The following XPR1 variants were observed in gnomAD, a reference collection of about 807,000 sequenced individuals.
XPR1 encodes the protein solute carrier family 53 member 1.
A neutral mutation model predicts 87.5 loss-of-function variants in XPR1; 28 were observed. The ratio of observed to expected loss-of-function variants is 0.32; its 90% CI spans 0.24 to 0.44. XPR1 has a LOEUF of 0.44. Among genes scored for constraint, XPR1 ranks in the 20% least tolerant of loss-of-function variants. The pLI is 1.00. For synonymous variants in XPR1, 300 were observed against 306.1 expected (o/e 0.98, Z 0.21); for missense variants, 559 against 862.3 (o/e 0.65, Z 4.41).
chr1:180,652,831 A>T (rs1655340169), intron 1 of XPR1, among the ~76,000 whole-genome samples: 1 of 152,164 alleles, frequency 6.6e-6, no homozygotes, highest in Admixed American at 6.5e-5. Context: ...ATAAACATTT[A>T]TTGTCTCACA....
intron 1 of XPR1, among the ~76,000 whole-genome samples, chr1:180,665,004 G>A (rs866155837): frequency 1.3e-4 from 20 of 152,110 alleles, no homozygotes; most frequent in South Asian, 2.1e-4. Context: ...TGCCCACCTC[G>A]CACTTCCTAT....
chr1:180,632,440 T>C (rs879316051), intron 1 of XPR1, among the ~76,000 whole-genome samples, 170 bp downstream of exon 1: 1 of 151,840 alleles, frequency 6.6e-6, no homozygotes, highest in Admixed American at 6.5e-5. Flanking sequence ...GCCTCCCGGC[T>C]CCGCTGTCCT....
At chr1:180,883,865 A>C (rs1652924135) in intron 14 of XPR1, 141 bp from the exon 15 acceptor site, 1 of 624,372 alleles carries the variant, frequency 1.6e-6, no homozygotes, top group East Asian at 3.0e-5. Context: ...AAACTCTAGA[A>C]TAATCCGTCT....
chr1:180,697,603 A>G (rs185412427), intron 2 of XPR1, among the ~76,000 whole-genome samples: 1 of 152,210 alleles, frequency 6.6e-6, no homozygotes, highest in African/African-American at 2.4e-5. Flanking sequence ...AACTTTCCTC[A>G]GCACTGTTTT....
At chr1:180,653,585 G>T (rs1655360552) in intron 1 of XPR1, among the ~76,000 whole-genome samples, 1 of 151,930 alleles carries the variant, frequency 6.6e-6, no homozygotes, top group African/African-American at 2.4e-5. Context: ...TAAAACCATG[G>T]ATAATACTGA....
intron 2 of XPR1, among the ~76,000 whole-genome samples, chr1:180,685,715 G>A (rs1387412164): frequency 6.6e-6 from 1 of 152,092 alleles, no homozygotes; most frequent in African/African-American, 2.4e-5. Flanking sequence ...TTAGTCTTGG[G>A]GAGGATGTAT....
At chr1:180,807,629 C>T (rs909412805) in intron 6 of XPR1, among the ~76,000 whole-genome samples, 4 of 152,160 alleles carry the variant, frequency 2.6e-5, no homozygotes, top group African/African-American at 9.7e-5. Context: ...GTTGTTTCTT[C>T]CTGAGGTGAT....
intron 2 of XPR1, among the ~76,000 whole-genome samples, chr1:180,760,021 T>C (rs1315867257): frequency 6.6e-6 from 1 of 152,180 alleles, no homozygotes; most frequent in Non-Finnish European, 1.5e-5. Context: ...ATCACATGAT[T>C]ATCTCAATAG....
chr1:180,803,151 G>A (rs1208602146), intron 3 of XPR1, among the ~76,000 whole-genome samples: 1 of 152,130 alleles, frequency 6.6e-6, no homozygotes, highest in Admixed American at 6.5e-5. Flanking sequence ...ACTCTTAGTG[G>A]CTCTTTACAT....
At chr1:180,851,428 G>A (rs1651866781) in intron 11 of XPR1, among the ~76,000 whole-genome samples, 1 of 152,104 alleles carries the variant, frequency 6.6e-6, no homozygotes, top group Non-Finnish European at 1.5e-5. Context: ...TGTGCCTATA[G>A]ACAGAATTAT....
chr1:180,650,242 T>TTTTTCTTTC (rs1389181350), intron 1 of XPR1, among the ~76,000 whole-genome samples: 1 of 152,136 alleles, frequency 6.6e-6, no homozygotes, highest in Non-Finnish European at 1.5e-5. Flanking sequence ...CCAACTTTTT[T>TTTTTCTTTC]TTTTCTTTCT....
intron 11 of XPR1, among the ~76,000 whole-genome samples, chr1:180,840,966 G>A (rs1275920051): frequency 6.6e-6 from 1 of 151,944 alleles, no homozygotes; most frequent in African/African-American, 2.4e-5. Flanking sequence ...TAGCAACAAA[G>A]CACAACACAA....
Position 180,714,349 on chromosome 1 carries a change from TTCTCTCTCTCTCTCTCTCTCTC to T in XPR1, c.121+31970_121+31991del, listed in dbSNP as rs71121047. On this transcript the variant is annotated intron_variant, in intron 2 of 14. Transcript: ENST00000367590. ...ATTTTTCTCTCATATTTTTTCCCTG[TTCTCTCTCTCTCTCTCTCTCTC>T]TCTCTCTCTCTCTCTCTCTCTCTCT... 5.3e-3 allele frequency among the ~76,000 whole-genome samples: 386 copies of T among 72,150 alleles called. 4 individuals carry two copies. The highest frequency in any genetic ancestry group is 0.018 in the African/African-American group (333 of 18,246). The allele number at this position is 72,150 out of a possible 152,430, so 47.3% of individuals were successfully genotyped here.
At chr1:180,767,984 A>C (rs1240579262) in intron 2 of XPR1, among the ~76,000 whole-genome samples, 1 of 152,036 alleles carries the variant, frequency 6.6e-6, no homozygotes, top group African/African-American at 2.4e-5. Flanking sequence ...AGCTGGGACT[A>C]CAGGCGCCCG....
intron 2 of XPR1, among the ~76,000 whole-genome samples, chr1:180,735,555 CATTTT>C (rs202109428): frequency 0.021 from 3,127 of 152,164 alleles, 44 homozygotes; most frequent in African/African-American, 0.024. Flanking sequence ...TTAAATTTAA[CATTTT>C]ATTTATTGAT....
chr1:180,853,666 CA>C (rs1558039433), intron 11 of XPR1, among the ~76,000 whole-genome samples: 60 of 149,904 alleles, frequency 4.0e-4, no homozygotes, highest in East Asian at 1.2e-3. Context: ...CACACACACA[CA>C]CCCTACCTCT....
At chr1:180,840,156 G>A (rs1460425874) in intron 11 of XPR1, among the ~76,000 whole-genome samples, 1 of 150,636 alleles carries the variant, frequency 6.6e-6, no homozygotes, top group Non-Finnish European at 1.5e-5. Flanking sequence ...CCGGGAAGCG[G>A]AGCTTGCAGT....
chr1:180,713,566 G>A (rs563868958), intron 2 of XPR1, among the ~76,000 whole-genome samples: 301 of 152,238 alleles, frequency 2.0e-3, no homozygotes, highest in African/African-American at 7.0e-3. Flanking sequence ...CTTGTTTGCT[G>A]AGAGTTTTTA....
Position 180,704,274 on chromosome 1 carries a change from A to ATATATATATATATATATG in XPR1, c.121+21866_121+21867insATATATATATATATGTAT, listed in dbSNP as rs1378621484. On this transcript the variant is annotated intron_variant, in intron 2 of 14. Coordinates refer to ENST00000367590, the MANE Select transcript of XPR1 (RefSeq NM_004736.4). ...TATATATATATATATATATATATATATATTATCAGATTATCTGTTTTGTTA... is the reference window on the plus strand; with the variant it reads ...TATATATATATATATATATATATATATATATATATATATATATGTATTATCAGATTATCTGTTTTGTTA... 6.4e-5 allele frequency among the ~76,000 whole-genome samples: 9 copies of ATATATATATATATATATG among 141,676 alleles called. No homozygotes were observed. The South Asian group carries it at 2.1e-3, about 33-fold the overall frequency. The allele number at this position is 141,676 out of a possible 152,430, so 92.9% of individuals were successfully genotyped here. A position where few individuals can be genotyped will look rare whatever the true frequency, so the allele number is the denominator to read the frequency against.
Sources: gnomAD v4.1 joint callset for allele counts (sites outside exome capture counted in the v4.1 genomes callset) on GRCh38, gnomAD v4.1.1 for gene constraint, MANE v1.5 for transcripts, NCBI Gene and HGNC (gene_info 2026-07-23, HGNC 2026-07-21) for gene names.